FLRT2: variants seen among roughly 807,000 people sequenced by gnomAD.
FLRT2 encodes leucine-rich repeat transmembrane protein FLRT2.
A neutral mutation model predicts 40.0 loss-of-function variants in FLRT2; 15 were observed. The observed-to-expected ratio is 0.38, with a 90% confidence interval of 0.25 to 0.58. The LOEUF is 0.58. Among genes scored for constraint, FLRT2 ranks in the 20% least tolerant of loss-of-function variants. The pLI, the probability that FLRT2 is intolerant of heterozygous loss-of-function variation, is 0.71. For synonymous variants in FLRT2, 380 were observed against 336.8 expected (o/e 1.13, Z -1.41); for missense variants, 726 against 840.0 (o/e 0.86, Z 1.68).
Position 85,649,881 on chromosome 14 carries a change from T to A in FLRT2, c.*26384T>A, listed in dbSNP as rs1470938556. The A allele has an allele frequency of 6.6e-6, 1 of 152,078 alleles. No individual in the cohort carries two copies. Among genetic ancestry groups the A allele is most frequent in the African/African-American group, 2.4e-5 (1 of 41,430 alleles). 9.4% of individuals were successfully genotyped at this position (152,078 alleles called of 1,614,324 possible). A position where few individuals can be genotyped will look rare whatever the true frequency, so the allele number is the denominator to read the frequency against. On this transcript the variant is annotated 3_prime_UTR_variant, in exon 2 of 2. Transcript: ENST00000330753. ...TCTCATATTCTGAAGAATGAAGCATTTCTGTCCTAGGTGATTATAAAGTTT... is the reference window on the plus strand; with the variant it reads ...TCTCATATTCTGAAGAATGAAGCATATCTGTCCTAGGTGATTATAAAGTTT...
chr14:85,534,508 G>A (rs1888521851), intron 1 of FLRT2, among the ~76,000 whole-genome samples: 1 of 152,096 alleles, frequency 6.6e-6, no homozygotes, highest in South Asian at 2.1e-4. Flanking sequence ...TCACCTTCTG[G>A]CATCATAAAA....
chr14:85,531,721 G>T (rs1400617086), intron 1 of FLRT2, among the ~76,000 whole-genome samples: 1 of 152,136 alleles, frequency 6.6e-6, no homozygotes. Flanking sequence ...CCCCAGCCGC[G>T]CTCCCTCCTC....
rs538682190 is a variant in FLRT2 at position 85,561,488 on chromosome 14, C to T, written c.-377+30954C>T. ...TTCTTTGCCCTCATTTTCAAAGAGA[C>T]TGACTACTGGGGACCCTTGCTTAAT... On this transcript the variant is annotated intron_variant, in intron 1 of 1. Coordinates refer to ENST00000330753, the MANE Select transcript of FLRT2 (RefSeq NM_013231.6). Among the ~76,000 whole-genome samples the T allele has an allele frequency of 2.6e-5, 4 of 152,294 alleles. No homozygotes were observed. The South Asian group carries it at 6.2e-4, about 24-fold the overall frequency.
rs1039465923 is a variant in FLRT2, at chr14:85,654,110, T to C, written c.*30613T>C. The stretch of plus-strand genomic sequence containing the variant: ...TTAAAATACAAATTCGTAAAGATAA[T>C]ACCTTGATGTTTATGTCTATGCCAA... On this transcript the variant is annotated 3_prime_UTR_variant, in exon 2 of 2. Coordinates refer to ENST00000330753, the MANE Select transcript of FLRT2 (RefSeq NM_013231.6). 2 of 152,158 alleles carry C rather than the reference T, an allele frequency of 1.3e-5. No individual in the cohort carries two copies. 9.4% of individuals were successfully genotyped at this position (152,158 alleles called of 1,614,324 possible).
chr14:85,541,534 T>C (rs979410027), intron 1 of FLRT2, among the ~76,000 whole-genome samples: 2 of 152,156 alleles, frequency 1.3e-5, no homozygotes, highest in African/African-American at 4.8e-5. Flanking sequence ...AAGTAGAAAA[T>C]GGAGGAAAAT....
chr14:85,603,395 A>G (rs1892466891), intron 1 of FLRT2, among the ~76,000 whole-genome samples: 1 of 152,224 alleles, frequency 6.6e-6, no homozygotes, highest in Non-Finnish European at 1.5e-5. Context: ...GATTGACTGA[A>G]TAACTGATAG....
chr14:85,622,045 G>A lies in FLRT2; in HGVS notation c.531G>A (p.Gly177=), dbSNP rs1237786026. The change falls in exon 2 of 2, where the codon GGG becomes GGA. Residue 177 remains glycine (G), a synonymous_variant. Coordinates refer to ENST00000330753, the MANE Select transcript of FLRT2 (RefSeq NM_013231.6). ...SKNHLSSVPV[G]LPVDLQELRV... Reference sequence around the variant, plus strand: ...ATCACCTGAGCAGTGTGCCTGTTGGGCTTCCTGTGGACTTGCAAGAGCTGA... The same window carrying A: ...ATCACCTGAGCAGTGTGCCTGTTGGACTTCCTGTGGACTTGCAAGAGCTGA... The A allele has an allele frequency of 6.2e-7, 1 of 1,613,810 alleles. No homozygotes were observed. Among genetic ancestry groups the A allele is most frequent in the Non-Finnish European group, 8.5e-7 (1 of 1,179,888 alleles).
rs1027620349 is a variant in FLRT2 at position 85,645,946 on chromosome 14, G to A, written c.*22449G>A. ...CTATTTAGTGGCAGGTGGTGACAGT[G>A]GATTTCTTCTCTTATGGAAAGGACA... On this transcript the variant is annotated 3_prime_UTR_variant, in exon 2 of 2. Transcript: ENST00000330753. The A allele has an allele frequency of 3.3e-5, 5 of 150,436 alleles. No individual in the cohort carries two copies. The highest frequency in any genetic ancestry group is 1.2e-4 in the African/African-American group (5 of 40,362). 9.3% of individuals were successfully genotyped at this position (150,436 alleles called of 1,614,324 possible). A position where few individuals can be genotyped will look rare whatever the true frequency, so the allele number is the denominator to read the frequency against.
At chr14:85,590,682 C>T (rs1891843046) in intron 1 of FLRT2, among the ~76,000 whole-genome samples, 1 of 152,242 alleles carries the variant, frequency 6.6e-6, no homozygotes, top group Admixed American at 6.5e-5. Context: ...TCACTGCAAC[C>T]TCTGCCTCCC....
In FLRT2 at chr14:85,638,446, G is replaced by A. The variant is rs1260357554; in HGVS notation, c.*14949G>A. On this transcript the variant is annotated 3_prime_UTR_variant, in exon 2 of 2. Coordinates refer to ENST00000330753, the MANE Select transcript of FLRT2 (RefSeq NM_013231.6). ...TGCAGGCTCAGTTTAGGCTTCCCTTGAGATTTCATCATGGCTTTACTTCTC... is the reference window on the plus strand; with the variant it reads ...TGCAGGCTCAGTTTAGGCTTCCCTTAAGATTTCATCATGGCTTTACTTCTC... The A allele has an allele frequency of 2.0e-5, 3 of 152,300 alleles. No homozygotes were observed. Among genetic ancestry groups the A allele is most frequent in the African/African-American group, 4.8e-5 (2 of 41,412 alleles). 9.4% of individuals were successfully genotyped at this position (152,300 alleles called of 1,614,324 possible).
intron 1 of FLRT2, among the ~76,000 whole-genome samples, chr14:85,544,712 A>C (rs1889180419): frequency 6.6e-6 from 1 of 152,190 alleles, no homozygotes; most frequent in African/African-American, 2.4e-5. Context: ...ATATGGTTTA[A>C]TGTGTTGATG....
chr14:85,540,990 A>G (rs1308852922), intron 1 of FLRT2, among the ~76,000 whole-genome samples: 1 of 152,164 alleles, frequency 6.6e-6, no homozygotes, highest in Non-Finnish European at 1.5e-5. Context: ...ACCAACAAAT[A>G]TAAGTCTTAT....
At chr14:85,595,272 GT>G (rs1892082765) in intron 1 of FLRT2, among the ~76,000 whole-genome samples, 1 of 152,092 alleles carries the variant, frequency 6.6e-6, no homozygotes, top group Non-Finnish European at 1.5e-5. Context: ...TGTTTTATAA[GT>G]TAGAAAGACC....
intron 1 of FLRT2, among the ~76,000 whole-genome samples, chr14:85,618,912 A>T (rs1893258186): frequency 6.6e-6 from 1 of 151,938 alleles, no homozygotes; most frequent in African/African-American, 2.4e-5. Context: ...ATGGTTTGAA[A>T]CCTGAGCTAA....
rs1158186243 is a variant in FLRT2 at position 85,634,014 on chromosome 14, C to G, written c.*10517C>G. 1.3e-5 allele frequency: 2 copies of G among 152,044 alleles called. No individual in the cohort carries two copies. Among genetic ancestry groups the G allele is most frequent in the African/African-American group, 2.4e-5 (1 of 41,372 alleles). The allele number at this position is 152,044 out of a possible 1,614,324, so 9.4% of individuals were successfully genotyped here. ...TAGTCTACCACCTGTCATGTGGTTACTTTTTGCAATCGATATCATTATTAA... is the reference window on the plus strand; with the variant it reads ...TAGTCTACCACCTGTCATGTGGTTAGTTTTTGCAATCGATATCATTATTAA... On this transcript the variant is annotated 3_prime_UTR_variant, in exon 2 of 2. Coordinates refer to ENST00000330753, the MANE Select transcript of FLRT2 (RefSeq NM_013231.6).
At chr14:85,572,506 G>A (rs1363893607) in intron 1 of FLRT2, among the ~76,000 whole-genome samples, 15 of 152,156 alleles carry the variant, frequency 9.9e-5, no homozygotes, top group East Asian at 1.9e-4. Context: ...AATTATTCAC[G>A]TCCCGTATTC....
intron 1 of FLRT2, among the ~76,000 whole-genome samples, chr14:85,535,415 A>G (rs1888588901): frequency 6.6e-6 from 1 of 150,436 alleles, no homozygotes; most frequent in East Asian, 2.0e-4. Flanking sequence ...TTGTCCAGGG[A>G]TATATTAGGT....
At chr14:85,578,638 A>G (rs1891240266) in intron 1 of FLRT2, among the ~76,000 whole-genome samples, 2 of 152,144 alleles carry the variant, frequency 1.3e-5, no homozygotes, top group African/African-American at 4.8e-5. Flanking sequence ...CATCGTGGGG[A>G]GATACGGGTT....
At chr14:85,588,281 A>G (rs921189548) in intron 1 of FLRT2, among the ~76,000 whole-genome samples, 1 of 152,178 alleles carries the variant, frequency 6.6e-6, no homozygotes, top group African/African-American at 2.4e-5. Flanking sequence ...TAATAAAAAT[A>G]CTTCCAATTC....
Sources: gnomAD v4.1 joint callset for allele counts (sites outside exome capture counted in the v4.1 genomes callset) on GRCh38, gnomAD v4.1.1 for gene constraint, MANE v1.5 for transcripts, NCBI Gene and HGNC (gene_info 2026-07-23, HGNC 2026-07-21) for gene names.